ADAMTS16: variants seen among roughly 807,000 people sequenced by gnomAD.
ADAMTS16 encodes the protein A disintegrin and metalloproteinase with thrombospondin motifs 16.
A neutral mutation model predicts 145.8 loss-of-function variants in ADAMTS16; 94 were observed. That is an observed-to-expected ratio of 0.64 (90% CI 0.55 to 0.77). ADAMTS16 has a LOEUF of 0.77. Ranked by LOEUF, ADAMTS16 falls within the 30% of genes least tolerant of loss-of-function variation. ADAMTS16 has a pLI of 0.00. For missense variants in ADAMTS16, 1,585 were observed against 1,591.5 expected, an observed-to-expected ratio of 1.00 and a Z score of 0.07; for synonymous variants, 659 against 604.3, an observed-to-expected ratio of 1.09 and a Z score of -1.33.
intron 18 of ADAMTS16, among the ~76,000 whole-genome samples, chr5:5,272,528 A>ATT (rs549259960): frequency 0.023 from 3,484 of 148,696 alleles, 58 homozygotes; most frequent in Middle Eastern, 0.031. Flanking sequence ...CGCCTGGCTA[A>ATT]TTTTTTTTTT....
At chr5:5,256,826 C>T (rs1454757310) in intron 17 of ADAMTS16, among the ~76,000 whole-genome samples, 1 of 152,110 alleles carries the variant, frequency 6.6e-6, no homozygotes, top group Non-Finnish European at 1.5e-5. Context: ...TTTATAGAAT[C>T]ACACCTCCTA....
At position 5,319,752 on chromosome 5, in the gene ADAMTS16, G is replaced by T; in HGVS notation, c.*614G>T. ...GTCATCTCTAGGGTCACTGGCCAGG[G>T]GACTGCATTCTGGTTTGGGACTTTG... On this transcript the variant is annotated 3_prime_UTR_variant, in exon 23 of 23. Transcript: ENST00000274181. 1 of 418,758 alleles carries T rather than the reference G, an allele frequency of 2.4e-6. No homozygotes were observed. Among genetic ancestry groups the T allele is most frequent in the Non-Finnish European group, 4.7e-6 (1 of 211,260 alleles). The allele number at this position is 418,758 out of a possible 1,614,324, so 25.9% of individuals were successfully genotyped here.
Position 5,300,486 on chromosome 5 carries a change from T to TA in ADAMTS16, c.2790-2781dup, listed in dbSNP as rs1182303317. The stretch of plus-strand genomic sequence containing the variant: ...CTACAACCCTGACATGTGTATTTTT[T>TA]ATGTGTACACAAATTTACATTTTAG... On this transcript the variant is annotated intron_variant, in intron 18 of 22. Coordinates refer to ENST00000274181, the MANE Select transcript of ADAMTS16 (RefSeq NM_139056.4). Among the ~76,000 whole-genome samples the TA allele has an allele frequency of 2.6e-5, 4 of 152,344 alleles. No individual in the cohort carries two copies. In the South Asian group the frequency reaches 6.2e-4, roughly 24 times the overall value.
At chr5:5,215,793 G>A (rs370414672) in intron 10 of ADAMTS16, among the ~76,000 whole-genome samples, 101 of 45,938 alleles carry the variant, frequency 2.2e-3, no homozygotes, top group African/African-American at 0.016. Context: ...ATATATATGT[G>A]TGGTATATAT....
At chr5:5,246,788 C>T (rs999896910) in intron 17 of ADAMTS16, among the ~76,000 whole-genome samples, 4 of 152,066 alleles carry the variant, frequency 2.6e-5, no homozygotes, top group Non-Finnish European at 2.9e-5. Context: ...CTTAAATGTG[C>T]GAGCCGCTAT....
intron 18 of ADAMTS16, among the ~76,000 whole-genome samples, chr5:5,268,120 G>C (rs1439357546): frequency 6.6e-6 from 1 of 152,108 alleles, no homozygotes; most frequent in Admixed American, 6.6e-5. Flanking sequence ...AAGATTATAA[G>C]CTCTGTGACC....
chr5:5,309,437 T>C (rs1265714117), intron 21 of ADAMTS16, among the ~76,000 whole-genome samples: 1 of 152,184 alleles, frequency 6.6e-6, no homozygotes, highest in Non-Finnish European at 1.5e-5. Flanking sequence ...ATATACCATA[T>C]ATATGCCAGC....
chr5:5,163,512 T>C lies in ADAMTS16; in HGVS notation c.501+17057T>C, dbSNP rs545050316. Among the ~76,000 whole-genome samples the C allele has an allele frequency of 1.7e-4, 26 of 152,320 alleles. No homozygotes were observed. In the South Asian group the frequency reaches 5.0e-3, roughly 29 times the overall value. ...GGAATTTATGAATGGTCAAATTTGG[T>C]AGCCACAGCAACAGATGTTTAAGGT... On this transcript the variant is annotated intron_variant, in intron 3 of 22. Transcript: ENST00000274181.
rs140782183 is a variant in ADAMTS16 at position 5,193,180 on chromosome 5, C to T, written c.1313+1390C>T. Among the ~76,000 whole-genome samples, 327 of 150,264 alleles carry T rather than the reference C, an allele frequency of 2.2e-3. 1 individual carries two copies. The highest frequency in any genetic ancestry group is 3.4e-3 in the African/African-American group (140 of 40,640). ...GTGTGTGTGCGCGCGCGCACATATACGTGTACATGTATGTTTGCGTGTGTA... is the reference window on the plus strand; with the variant it reads ...GTGTGTGTGCGCGCGCGCACATATATGTGTACATGTATGTTTGCGTGTGTA... On this transcript the variant is annotated intron_variant, in intron 8 of 22. Coordinates refer to ENST00000274181, the MANE Select transcript of ADAMTS16 (RefSeq NM_139056.4).
At chr5:5,165,673 T>C (rs1436248162) in intron 3 of ADAMTS16, among the ~76,000 whole-genome samples, 1 of 152,208 alleles carries the variant, frequency 6.6e-6, no homozygotes, top group Admixed American at 6.5e-5. Context: ...ATTCATGAGC[T>C]AAGTGCCAAC....
intron 18 of ADAMTS16, among the ~76,000 whole-genome samples, chr5:5,299,534 G>A (rs1464609514): frequency 6.6e-6 from 1 of 152,044 alleles, no homozygotes; most frequent in Non-Finnish European, 1.5e-5. Flanking sequence ...TAATGGGGAA[G>A]AGGGAGTCAT....
intron 3 of ADAMTS16, among the ~76,000 whole-genome samples, chr5:5,163,343 G>A (rs1008405093): frequency 6.6e-6 from 1 of 152,214 alleles, no homozygotes; most frequent in Non-Finnish European, 1.5e-5. Flanking sequence ...CCCCACCCAA[G>A]TCTCATCTGA....
chr5:5,318,155 G>A lies in ADAMTS16; in HGVS notation c.3433G>A (p.Gly1145Ser), dbSNP rs1340773792. Residue 1145 changes from glycine (G) to serine (S), a missense_variant, in exon 22 of 23, where the codon GGC becomes AGC. This residue lies in a region of ADAMTS16 where 834 missense variants were observed against 811.7 expected (regional missense o/e 1.03). Transcript: ENST00000274181. The part of the protein sequence containing the change: ...WSQCTASCGG[G>S]VQTRSVQCLA... The stretch of plus-strand genomic sequence containing the variant: ...ACAGTGCACGGCCAGCTGTGGGGGA[G>A]GCGTTCAGACGAGGTCCGTGCAGTG... The A allele has an allele frequency of 1.3e-6, 2 of 1,499,898 alleles. No homozygotes were observed. The highest frequency in any genetic ancestry group is 1.8e-6 in the Non-Finnish European group (2 of 1,118,994). 92.9% of individuals were successfully genotyped at this position (1,499,898 alleles called of 1,614,324 possible). A position where few individuals can be genotyped will look rare whatever the true frequency, so the allele number is the denominator to read the frequency against.
At position 5,180,806 on chromosome 5, in the gene ADAMTS16, T is replaced by C. The variant is rs543900302; in HGVS notation, c.502-1238T>C. Among the ~76,000 whole-genome samples, 232 of 152,334 alleles carry C rather than the reference T, an allele frequency of 1.5e-3. 1 individual carries two copies. The highest frequency in any genetic ancestry group is 4.9e-3 in the African/African-American group (202 of 41,580). On this transcript the variant is annotated intron_variant, in intron 3 of 22. Transcript: ENST00000274181. ...GGCGAGCTGACCTTGAAAACATTAC[T>C]GAATCATTCTACATCTCTATTTCCT... is the stretch of plus-strand genomic sequence containing the variant.
Position 5,140,722 on chromosome 5 carries a change from G to A in ADAMTS16, c.131G>A (p.Arg44His). Reference sequence around the variant, plus strand: ...GCGCCTGGGAGCCCGAGCGTCCCGCGTCCTCCTCCACCCGCGGAGCGGCCG... The same window carrying A: ...GCGCCTGGGAGCCCGAGCGTCCCGCATCCTCCTCCACCCGCGGAGCGGCCG... ...AAAPGSPSVPRPPPPAERPGW... is the reference protein window; with the variant it reads ...AAAPGSPSVPHPPPPAERPGW... The change falls in exon 2 of 23, where the codon CGT (arginine) becomes CAT (histidine). Residue 44 changes from arginine to histidine, a missense_variant. Arg to His is a conservative substitution (Grantham distance 29). Transcript: ENST00000274181. The A allele has an allele frequency of 6.4e-7, 1 of 1,570,972 alleles. No homozygotes were observed. The highest frequency in any genetic ancestry group is 8.6e-7 in the Non-Finnish European group (1 of 1,159,948).
At chr5:5,265,202 A>G (rs1346265554) in intron 18 of ADAMTS16, among the ~76,000 whole-genome samples, 2 of 152,232 alleles carry the variant, frequency 1.3e-5, no homozygotes, top group Non-Finnish European at 2.9e-5. Context: ...TGTCAAAGAC[A>G]AACAAAGCCA....
intron 3 of ADAMTS16, among the ~76,000 whole-genome samples, chr5:5,180,957 A>G (rs929200987): frequency 1.6e-4 from 25 of 152,242 alleles, no homozygotes; most frequent in African/African-American, 6.0e-4. Flanking sequence ...TATAATTATC[A>G]TCAGTACGTA....
intron 21 of ADAMTS16, among the ~76,000 whole-genome samples, chr5:5,306,947 AC>A (rs1740192780): frequency 6.6e-6 from 1 of 152,160 alleles, no homozygotes; most frequent in African/African-American, 2.4e-5. Context: ...CTTTTAGGGC[AC>A]ATATGTTTTC....
chr5:5,303,783 C>A lies in ADAMTS16; in HGVS notation c.3186+17C>A. The stretch of plus-strand genomic sequence containing the variant: ...TGGTCCCAGGTAGGTGCACTGGTCT[C>A]GCGGGAGCGAGGTTGACTAGCTCTC... On this transcript the variant is annotated intron_variant, in intron 20 of 22. Coordinates refer to ENST00000274181, the MANE Select transcript of ADAMTS16 (RefSeq NM_139056.4). The A allele has an allele frequency of 6.2e-7, 1 of 1,610,026 alleles. No individual in the cohort carries two copies. The highest frequency in any genetic ancestry group is 1.1e-5 in the South Asian group (1 of 90,752).
Sources: allele counts gnomAD v4.1 joint callset (sites outside exome capture counted in the v4.1 genomes callset), GRCh38; gene constraint gnomAD v4.1.1; regional missense constraint gnomAD v4.1.1; transcripts MANE v1.5; gene names NCBI Gene and HGNC (gene_info 2026-07-23, HGNC 2026-07-21).